BBS9: variants seen among roughly 807,000 people sequenced by gnomAD.
The protein encoded by BBS9 is protein PTHB1.
Under a neutral mutation model 117.7 loss-of-function variants are expected in BBS9, and 89 were observed. The observed-to-expected ratio is 0.76, with a 90% confidence interval of 0.64 to 0.90. The LOEUF (loss-of-function observed/expected upper bound fraction) is 0.90, where lower values mean the gene tolerates loss of function less well. BBS9 is among the 40% of genes least tolerant of loss of function. The pLI is 0.00. For synonymous variants in BBS9, 379 were observed against 370.9 expected (o/e 1.02, Z -0.25); for missense variants, 982 against 1,042.2 (o/e 0.94, Z 0.80).
intron 19 of BBS9, among the ~76,000 whole-genome samples, chr7:33,400,194 C>G (rs1828675755): frequency 6.6e-6 from 1 of 150,550 alleles, no homozygotes; most frequent in African/African-American, 2.5e-5. Context: ...TGTGTCCCCT[C>G]TTCTGCTAAA....
At chr7:33,382,495 A>G (rs1825251846) in intron 17 of BBS9, among the ~76,000 whole-genome samples, 1 of 152,052 alleles carries the variant, frequency 6.6e-6, no homozygotes, top group African/African-American at 2.4e-5. Flanking sequence ...AATTCCTTTA[A>G]AGGGAGCAAA....
At chr7:33,172,242 A>G (rs977763963) in intron 4 of BBS9, among the ~76,000 whole-genome samples, 1 of 152,012 alleles carries the variant, frequency 6.6e-6, no homozygotes, top group Non-Finnish European at 1.5e-5. Flanking sequence ...TTAGCTGGAC[A>G]TGGTGGCGGG....
At chr7:33,492,353 T>C (rs911953937) in intron 19 of BBS9, among the ~76,000 whole-genome samples, 2 of 152,244 alleles carry the variant, frequency 1.3e-5, no homozygotes, top group African/African-American at 4.8e-5. Context: ...TCTCATTTAA[T>C]CTTCAAGCCA....
At chr7:33,357,495 A>C (rs1370717971) in intron 15 of BBS9, among the ~76,000 whole-genome samples, 4 of 151,798 alleles carry the variant, frequency 2.6e-5, no homozygotes, top group Non-Finnish European at 5.9e-5. Flanking sequence ...GTTTGCTGAT[A>C]GTCTTGGATT....
intron 21 of BBS9, among the ~76,000 whole-genome samples, chr7:33,561,535 C>T (rs1365292306): frequency 6.6e-6 from 1 of 152,058 alleles, no homozygotes; most frequent in African/African-American, 2.4e-5. Flanking sequence ...CTTTTTGGGA[C>T]TCTGAGATGA....
At chr7:33,390,381 G>A (rs1009433741) in intron 19 of BBS9, 3 of 985,212 alleles carry the variant, frequency 3.0e-6, no homozygotes, top group Non-Finnish European at 3.6e-6. Flanking sequence ...TCAAGGTTGA[G>A]GTTTTCCATG....
chr7:33,303,885 G>A (rs981970536), intron 9 of BBS9, among the ~76,000 whole-genome samples: 4 of 152,126 alleles, frequency 2.6e-5, no homozygotes, highest in Non-Finnish European at 5.9e-5. Flanking sequence ...CGCCTGCCTT[G>A]GCCTCCCAAA....
At chr7:33,199,794 G>A (rs984256278) in intron 5 of BBS9, among the ~76,000 whole-genome samples, 7 of 151,656 alleles carry the variant, frequency 4.6e-5, no homozygotes, top group Admixed American at 2.0e-4. Flanking sequence ...ATCTTAGAAG[G>A]AGAGGGATGT....
chr7:33,318,983 T>C (rs1380909150), intron 9 of BBS9, among the ~76,000 whole-genome samples: 2 of 152,072 alleles, frequency 1.3e-5, no homozygotes, highest in East Asian at 3.9e-4. Context: ...GCCAACATGA[T>C]GAAACCCCGT....
At chr7:33,207,741 T>C (rs1027131584) in intron 5 of BBS9, among the ~76,000 whole-genome samples, 2 of 152,182 alleles carry the variant, frequency 1.3e-5, no homozygotes, top group African/African-American at 4.8e-5. Flanking sequence ...TATACATATA[T>C]ACATATCTGT....
At chr7:33,558,073 AT>A (rs1309907159) in intron 21 of BBS9, among the ~76,000 whole-genome samples, 1 of 152,228 alleles carries the variant, frequency 6.6e-6, no homozygotes, top group Non-Finnish European at 1.5e-5. Context: ...GCATTAAAAT[AT>A]ACCTTTATTA....
At chr7:33,561,495 C>T (rs371300939) in intron 21 of BBS9, among the ~76,000 whole-genome samples, 1 of 152,134 alleles carries the variant, frequency 6.6e-6, no homozygotes, top group Admixed American at 6.5e-5. Flanking sequence ...TTGACAGAAA[C>T]GATAAATTCC....
chr7:33,372,299 C>G (rs1563079257), intron 17 of BBS9, among the ~76,000 whole-genome samples: 1 of 151,846 alleles, frequency 6.6e-6, no homozygotes, highest in South Asian at 2.1e-4. Flanking sequence ...ATTGAAAAGG[C>G]CTGTTTGTAT....
intron 19 of BBS9, among the ~76,000 whole-genome samples, chr7:33,502,310 G>GT (rs1378266611): frequency 6.6e-6 from 1 of 152,142 alleles, no homozygotes; most frequent in Admixed American, 6.5e-5. Flanking sequence ...GCCTGATTTT[G>GT]TAACATTTGT....
chr7:33,129,719 G>C lies in BBS9; in HGVS notation c.-334G>C, dbSNP rs996329083. ...ACTTGCATTTGTTCTCGCCTGCCTA[G>C]TGTCTTCCAAGGGATAGATGCCGTT... is the stretch of plus-strand genomic sequence containing the variant. On this transcript the variant is annotated 5_prime_UTR_variant, in exon 1 of 23. Transcript: ENST00000242067. 1 of 152,512 alleles carries C rather than the reference G, an allele frequency of 6.6e-6. No individual in the cohort carries two copies. Among genetic ancestry groups the C allele is most frequent in the African/African-American group, 2.4e-5 (1 of 41,398 alleles). 9.4% of individuals were successfully genotyped at this position (152,512 alleles called of 1,614,324 possible). A position where few individuals can be genotyped will look rare whatever the true frequency, so the allele number is the denominator to read the frequency against.
intron 19 of BBS9, among the ~76,000 whole-genome samples, chr7:33,397,589 T>C (rs1485563685): frequency 6.6e-6 from 1 of 151,292 alleles, no homozygotes; most frequent in Non-Finnish European, 1.5e-5. Flanking sequence ...AATGATAGAG[T>C]AGATAAAGAA....
At chr7:33,408,073 G>A (rs1830383640) in intron 19 of BBS9, among the ~76,000 whole-genome samples, 1 of 152,236 alleles carries the variant, frequency 6.6e-6, no homozygotes, top group South Asian at 2.1e-4. Context: ...GCCTCCTGGA[G>A]CTGTGGTGGG....
intron 21 of BBS9, among the ~76,000 whole-genome samples, chr7:33,542,933 T>C (rs1852632392): frequency 2.0e-5 from 3 of 152,240 alleles, no homozygotes; most frequent in East Asian, 1.9e-4. Context: ...CATGTGCAAG[T>C]ATCTTTTTCA....
At chr7:33,277,849 T>C (rs538051885) in intron 9 of BBS9, among the ~76,000 whole-genome samples, 2 of 152,280 alleles carry the variant, frequency 1.3e-5, no homozygotes, top group African/African-American at 4.8e-5. Context: ...ATAGTGATGT[T>C]ATCTGAAGGA....
Sources: gnomAD v4.1 joint callset for allele counts (sites outside exome capture counted in the v4.1 genomes callset) on GRCh38, gnomAD v4.1.1 for gene constraint, MANE v1.5 for transcripts, NCBI Gene and HGNC (gene_info 2026-07-23, HGNC 2026-07-21) for gene names.